GULP1: variants seen among roughly 807,000 people sequenced by gnomAD.
GULP1 encodes PTB domain-containing engulfment adapter protein 1.
A neutral mutation model predicts 40.9 loss-of-function variants in GULP1; 19 were observed. The ratio of observed to expected loss-of-function variants is 0.46; its 90% CI spans 0.32 to 0.68. The LOEUF (loss-of-function observed/expected upper bound fraction) is 0.68, where lower values mean the gene tolerates loss of function less well. Ranked by LOEUF, GULP1 falls within the 30% of genes least tolerant of loss-of-function variation. GULP1 has a pLI of 0.03. For missense variants in GULP1, 312 were observed against 362.2 expected, an observed-to-expected ratio of 0.86 and a Z score of 1.12; for synonymous variants, 119 against 117.6, an observed-to-expected ratio of 1.01 and a Z score of -0.08.
intron 1 of GULP1, among the ~76,000 whole-genome samples, chr2:188,369,262 T>TA (rs1172471698): frequency 2.0e-5 from 3 of 151,318 alleles, no homozygotes; most frequent in East Asian, 1.9e-4. Context: ...TGCCTGGCTG[T>TA]AAAAAAAATA....
chr2:188,373,182 C>T (rs896603105), intron 1 of GULP1, among the ~76,000 whole-genome samples: 5 of 151,692 alleles, frequency 3.3e-5, no homozygotes, highest in African/African-American at 4.8e-5. Flanking sequence ...ACAGAGGAAA[C>T]ATGGAGAAGA....
intron 1 of GULP1, among the ~76,000 whole-genome samples, chr2:188,317,372 C>T (rs1378857560): frequency 5.3e-5 from 8 of 152,028 alleles, no homozygotes; most frequent in Admixed American, 3.3e-4. Flanking sequence ...AAGTGATAGT[C>T]GACACAATCT....
chr2:188,592,116 T>G (rs915540110), intron 11 of GULP1: 2 of 151,996 alleles, frequency 1.3e-5, no homozygotes, highest in Non-Finnish European at 2.9e-5. Flanking sequence ...GTGATTGACC[T>G]CTGTTTTACT....
At chr2:188,318,271 A>T (rs2039428684) in intron 1 of GULP1, among the ~76,000 whole-genome samples, 1 of 147,228 alleles carries the variant, frequency 6.8e-6, no homozygotes, top group South Asian at 2.2e-4. Flanking sequence ...AGTCTCATAA[A>T]AGTTGTAAAA....
intron 1 of GULP1, among the ~76,000 whole-genome samples, chr2:188,315,701 C>G (rs1460757113): frequency 6.6e-6 from 1 of 151,950 alleles, no homozygotes; most frequent in Admixed American, 6.6e-5. Context: ...CTGTATATAC[C>G]TGTACTATGT....
intron 11 of GULP1, chr2:188,593,640 T>G (rs1576352760): frequency 5.5e-6 from 1 of 181,432 alleles, no homozygotes. Flanking sequence ...TACAATAGAA[T>G]GATGTAGTAA....
At chr2:188,304,645 T>C (rs762107971) in intron 1 of GULP1, among the ~76,000 whole-genome samples, 26 of 152,158 alleles carry the variant, frequency 1.7e-4, no homozygotes, top group South Asian at 8.3e-4. Flanking sequence ...TTGAATTACC[T>C]GACTTCCTAG....
chr2:188,454,707 A>C (rs571386586), intron 2 of GULP1, among the ~76,000 whole-genome samples: 1 of 152,348 alleles, frequency 6.6e-6, no homozygotes, highest in African/African-American at 2.4e-5. Flanking sequence ...TGCTGGTACA[A>C]ATGAATAAAG....
At chr2:188,459,155 T>C (rs2059503244) in intron 2 of GULP1, among the ~76,000 whole-genome samples, 1 of 152,202 alleles carries the variant, frequency 6.6e-6, no homozygotes, top group South Asian at 2.1e-4. Context: ...GCAACAAACA[T>C]GAAAGTGCAG....
chr2:188,504,608 A>AT (rs977062748), intron 4 of GULP1, among the ~76,000 whole-genome samples: 6 of 151,938 alleles, frequency 3.9e-5, no homozygotes, highest in Admixed American at 3.9e-4. Flanking sequence ...GTTAACAATA[A>AT]TTGTGAAACT....
Position 188,396,320 on chromosome 2 carries a change from C to T in GULP1, c.-45+12431C>T, listed in dbSNP as rs145919621. ...GGTGGGAAAGATCCGAGCTGTGGTT[C>T]CCCACATGTGGGACAAACAAGGGCT... On this transcript the variant is annotated intron_variant, in intron 2 of 11. Transcript: ENST00000409830. 6.5e-4 allele frequency among the ~76,000 whole-genome samples: 99 copies of T among 152,334 alleles called. 2 individuals are homozygous for T. The East Asian group carries it at 0.015, about 23-fold the overall frequency.
intron 1 of GULP1, among the ~76,000 whole-genome samples, chr2:188,338,658 C>A (rs13388746): frequency 0.18 from 27,034 of 151,982 alleles, 2,473 homozygotes; most frequent in South Asian, 0.24. Context: ...TAAAATATGT[C>A]ATCAGCATTT....
intron 2 of GULP1, among the ~76,000 whole-genome samples, chr2:188,438,684 A>G (rs2057654931): frequency 6.6e-6 from 1 of 151,910 alleles, no homozygotes; most frequent in African/African-American, 2.4e-5. Flanking sequence ...AAAAAATGTA[A>G]AGAAGGCACA....
At chr2:188,570,904 T>G (rs182559637) in intron 9 of GULP1, among the ~76,000 whole-genome samples, 1 of 152,320 alleles carries the variant, frequency 6.6e-6, no homozygotes, top group Non-Finnish European at 1.5e-5. Context: ...ATATCTGTAA[T>G]CCCAACATTT....
chr2:188,533,139 T>C (rs1214662789), intron 6 of GULP1, among the ~76,000 whole-genome samples: 2 of 152,178 alleles, frequency 1.3e-5, no homozygotes, highest in Admixed American at 1.3e-4. Context: ...GGAATAAGGA[T>C]AATTTTTTTT....
intron 2 of GULP1, among the ~76,000 whole-genome samples, chr2:188,430,955 A>G (rs1214634217): frequency 6.6e-6 from 1 of 152,210 alleles, no homozygotes; most frequent in Non-Finnish European, 1.5e-5. Context: ...GTCTACTAGC[A>G]TTAAAGTATA....
At chr2:188,473,956 G>C (rs746799745) in intron 2 of GULP1, among the ~76,000 whole-genome samples, 3 of 152,194 alleles carry the variant, frequency 2.0e-5, no homozygotes. Flanking sequence ...ATTACTGCTG[G>C]TTATTCAATG....
chr2:188,461,313 G>A (rs1335442325), intron 2 of GULP1, among the ~76,000 whole-genome samples: 2 of 147,932 alleles, frequency 1.4e-5, no homozygotes, highest in Admixed American at 6.7e-5. Flanking sequence ...CATTTTACTG[G>A]TAAGCTTTTT....
intron 1 of GULP1, among the ~76,000 whole-genome samples, chr2:188,315,036 A>G (rs1419192766): frequency 6.6e-6 from 1 of 152,126 alleles, no homozygotes; most frequent in East Asian, 1.9e-4. Flanking sequence ...TTAATATGCC[A>G]AGAATAAGCC....
Sources: gnomAD v4.1 joint callset for allele counts (sites outside exome capture counted in the v4.1 genomes callset) on GRCh38, gnomAD v4.1.1 for gene constraint, MANE v1.5 for transcripts, NCBI Gene and HGNC (gene_info 2026-07-23, HGNC 2026-07-21) for gene names.